Variants in MEGF8 observed in about 807,000 individuals in gnomAD.
MEGF8 encodes the protein multiple EGF like domains 8.
A neutral mutation model predicts 302.9 loss-of-function variants in MEGF8; 156 were observed. The observed-to-expected ratio is 0.52, with a 90% CI of 0.45 to 0.59. The LOEUF is 0.59. Among genes scored for constraint, MEGF8 ranks in the 20% least tolerant of loss-of-function variants. The pLI, the probability that MEGF8 is intolerant of heterozygous loss-of-function variation, is 0.00. For missense variants in MEGF8, 3,345 were observed against 3,964.5 expected (o/e 0.84, Z 4.20); for synonymous variants, 1,621 against 1,660.5 (o/e 0.98, Z 0.58).
rs767175047 is a variant in MEGF8 at position 42,368,416 on chromosome 19, C to T, written c.6274-39C>T. ...TTTGTTTAAGCTTATTTCCCCATCT[C>T]TCTCTTCCCTGCATCCCCATCCCCT... On this transcript the variant is annotated intron_variant, in intron 35 of 41. Coordinates refer to ENST00000251268, the MANE Select transcript of MEGF8 (RefSeq NM_001271938.2). This position sits in a 1 kb window ranked among gnomAD's most constrained non-coding sequence, Gnocchi z 4.9. 11 of 1,501,766 alleles carry T rather than the reference C, an allele frequency of 7.3e-6. No homozygotes were observed. The South Asian group carries it at 1.2e-4, about 17-fold the overall frequency. 93.0% of individuals were successfully genotyped at this position (1,501,766 alleles called of 1,614,324 possible). A position where few individuals can be genotyped will look rare whatever the true frequency, so the allele number is the denominator to read the frequency against.
Position 42,339,194 on chromosome 19 carries a change from A to G in MEGF8, c.1513+1988A>G, listed in dbSNP as rs554165585. Among the ~76,000 whole-genome samples, 90 of 152,268 alleles carry G rather than the reference A, an allele frequency of 5.9e-4. 1 individual carries two copies. Among genetic ancestry groups the G allele is most frequent in the Non-Finnish European group, 9.7e-4 (66 of 68,020 alleles). On this transcript the variant is annotated intron_variant, in intron 8 of 41. Transcript: ENST00000251268. ...TTTAGGTTGATTCCATGTCTTTGCTATTGTGAACAGTGCTGCTTTGAACAT... is the reference window on the plus strand; with the variant it reads ...TTTAGGTTGATTCCATGTCTTTGCTGTTGTGAACAGTGCTGCTTTGAACAT...
At chr19:42,373,233 C>T (rs903459811) in intron 41 of MEGF8, among the ~76,000 whole-genome samples, 1 of 151,636 alleles carries the variant, frequency 6.6e-6, no homozygotes, top group African/African-American at 2.4e-5. Context: ...GCTGGGACTA[C>T]AGGCACGTAC....
Position 42,353,097 on chromosome 19 carries a change from C to T in MEGF8, c.3520C>T (p.Arg1174Trp), listed in dbSNP as rs892173452. The change falls in exon 20 of 42, where the codon CGG becomes TGG. Residue 1174 changes from arginine to tryptophan, a missense_variant. Coordinates refer to ENST00000251268, the MANE Select transcript of MEGF8 (RefSeq NM_001271938.2). This position sits in a 1 kb window ranked among gnomAD's most constrained non-coding sequence, Gnocchi z 6.1. ...CAGCTTCCACAGCCACTGCCGCAAG[C>T]GGGGCCCTGGCTTCTGCGACGAGTG... The part of the protein sequence containing the change: ...GCSFHSHCRK[R>W]GPGFCDECQD... The T allele has an allele frequency of 1.4e-5, 21 of 1,548,638 alleles. No homozygotes were observed. In the African/African-American group the frequency reaches 1.6e-4, roughly 12 times the overall value.
chr19:42,377,055 C>A lies in MEGF8; in HGVS notation c.*280C>A, dbSNP rs1475477929. The stretch of plus-strand genomic sequence containing the variant: ...TTAGGTTCTGGTGAAGGGAGACAAT[C>A]AGTGCACATGCACACACCCCACACG... On this transcript the variant is annotated 3_prime_UTR_variant, in exon 42 of 42. Transcript: ENST00000251268. 4 of 414,334 alleles carry A rather than the reference C, an allele frequency of 9.7e-6. No individual in the cohort carries two copies. The Admixed American group carries it at 1.6e-4, about 17-fold the overall frequency. 25.7% of individuals were successfully genotyped at this position (414,334 alleles called of 1,614,324 possible). A position where few individuals can be genotyped will look rare whatever the true frequency, so the allele number is the denominator to read the frequency against.
At chr19:42,366,110 T>G (rs1301675757) in intron 35 of MEGF8, among the ~76,000 whole-genome samples, 1 of 152,138 alleles carries the variant, frequency 6.6e-6, no homozygotes, top group Non-Finnish European at 1.5e-5. Flanking sequence ...TTGGCTTAGA[T>G]TCCACCGCAC....
rs2039462768 is a variant in MEGF8, at chr19:42,357,025, C to T, written c.4830+44C>T. On this transcript the variant is annotated intron_variant, in intron 27 of 41. Coordinates refer to ENST00000251268, the MANE Select transcript of MEGF8 (RefSeq NM_001271938.2). The surrounding 1 kb of genome is among the most constrained non-coding windows in gnomAD (Gnocchi z 5.2). The stretch of plus-strand genomic sequence containing the variant: ...CCCACTCCCCAGCCCTCACACTGGG[C>T]CCTGACAGAGACAGCTGTGGTAGCT... 3 of 1,504,580 alleles carry T rather than the reference C, an allele frequency of 2.0e-6. No homozygotes were observed. The highest frequency in any genetic ancestry group is 2.4e-5 in the East Asian group (1 of 40,900). The allele number at this position is 1,504,580 out of a possible 1,614,324, so 93.2% of individuals were successfully genotyped here. A position where few individuals can be genotyped will look rare whatever the true frequency, so the allele number is the denominator to read the frequency against.
Position 42,336,950 on chromosome 19 carries a change from A to C in MEGF8, c.1388A>C (p.Tyr463Ser). 3 of 1,613,864 alleles carry C rather than the reference A, an allele frequency of 1.9e-6. No individual in the cohort carries two copies. The South Asian group carries it at 3.3e-5, about 18-fold the overall frequency. ...GTTCTGGGCAATTACATGGTGGTCTATGGTGAGGAGGCTCCCCAATCCTGC... is the reference window on the plus strand; with the variant it reads ...GTTCTGGGCAATTACATGGTGGTCTCTGGTGAGGAGGCTCCCCAATCCTGC... The part of the protein sequence containing the change: ...ASVLGNYMVV[Y>S]GGNVHTHYQE... Residue 463 changes from tyrosine (Y) to serine (S), a missense_variant and splice_region_variant, in exon 7 of 42, where the codon TAT (tyrosine) becomes TCT (serine). By Grantham distance (144) the Tyr-to-Ser change is moderately radical (BLOSUM62 -2). Transcript: ENST00000251268. The surrounding 1 kb of genome is among the most constrained non-coding windows in gnomAD (Gnocchi z 4.8).
At chr19:42,367,541 G>A (rs1481690460) in intron 35 of MEGF8, among the ~76,000 whole-genome samples, 14 of 152,130 alleles carry the variant, frequency 9.2e-5, no homozygotes. Flanking sequence ...GCCCGCCTCG[G>A]CCTCCCAAAG....
chr19:42,372,585 G>A lies in MEGF8; in HGVS notation c.7269+1103G>A, dbSNP rs75428280. Among the ~76,000 whole-genome samples the A allele has an allele frequency of 6.3e-3, 961 of 152,108 alleles. 6 individuals are homozygous for A. Among genetic ancestry groups the A allele is most frequent in the African/African-American group, 0.019 (805 of 41,508 alleles). On this transcript the variant is annotated intron_variant, in intron 41 of 41. Coordinates refer to ENST00000251268, the MANE Select transcript of MEGF8 (RefSeq NM_001271938.2). ...AAACATAATAGCTGCCACCCCAAAT[G>A]GCAACAGTTTTACAAGCCTTACTGA...
In MEGF8 at chr19:42,352,808, G is replaced by A. The variant is rs1233840515; in HGVS notation, c.3351-120G>A. The A allele has an allele frequency of 5.0e-6, 4 of 794,576 alleles. No individual in the cohort carries two copies. The East Asian group carries it at 1.1e-4, about 21-fold the overall frequency. 49.2% of individuals were successfully genotyped at this position (794,576 alleles called of 1,614,324 possible). On this transcript the variant is annotated intron_variant, in intron 19 of 41. Transcript: ENST00000251268. The surrounding 1 kb of genome is among the most constrained non-coding windows in gnomAD (Gnocchi z 4.4). ...CCTTGGAGACAGGGTCACCCACATA[G>A]CCCAAAACCATGGAAACAGCCAGTG...
intron 8 of MEGF8, among the ~76,000 whole-genome samples, chr19:42,342,033 G>A (rs1157075403): frequency 6.6e-6 from 1 of 152,190 alleles, no homozygotes; most frequent in Non-Finnish European, 1.5e-5. Flanking sequence ...GGGATGGGAA[G>A]GAGGAAAGGC....
chr19:42,331,803 C>A (rs1416346201), intron 1 of MEGF8, among the ~76,000 whole-genome samples: 1 of 151,632 alleles, frequency 6.6e-6, no homozygotes, highest in Non-Finnish European at 1.5e-5. Flanking sequence ...CTCTTGACCT[C>A]AAGCGATCCA....
In MEGF8 at chr19:42,358,971, G is replaced by A. The variant is rs2147490241; in HGVS notation, c.5343+17G>A. 1 of 1,604,544 alleles carries A rather than the reference G, an allele frequency of 6.2e-7. No individual in the cohort carries two copies. Among genetic ancestry groups the A allele is most frequent in the Non-Finnish European group, 8.5e-7 (1 of 1,175,706 alleles). On this transcript the variant is annotated intron_variant, in intron 30 of 41. Transcript: ENST00000251268. This position sits in a 1 kb window ranked among gnomAD's most constrained non-coding sequence, Gnocchi z 4.4. ...CTGAAGGAGGTGAGATTTGAAGAGG[G>A]TTAGGATTGGGTGGGCTGGTAGGGG...
chr19:42,338,385 G>A (rs1345600704), intron 8 of MEGF8, among the ~76,000 whole-genome samples: 3 of 152,038 alleles, frequency 2.0e-5, no homozygotes, highest in Non-Finnish European at 2.9e-5. Context: ...GAGTATAGGC[G>A]CATGCCACCA....
Position 42,355,790 on chromosome 19 carries a change from T to C in MEGF8, c.4177T>C (p.Ser1393Pro). The change falls in exon 24 of 42, where the codon TCC becomes CCC. Residue 1393 changes from serine to proline, a missense_variant. By Grantham distance (74) the Ser-to-Pro change is moderately conservative. Transcript: ENST00000251268. ...LLVLHWEANG[S>P]SSWGFNASVG... ...CGTGCTGCACTGGGAGGCCAATGGCTCCTCATCCTGGGGCTTCAATGCTTC... is the reference window on the plus strand; with the variant it reads ...CGTGCTGCACTGGGAGGCCAATGGCCCCTCATCCTGGGGCTTCAATGCTTC... The C allele has an allele frequency of 1.9e-6, 3 of 1,581,746 alleles. No homozygotes were observed. The highest frequency in any genetic ancestry group is 2.6e-6 in the Non-Finnish European group (3 of 1,163,222).
intron 14 of MEGF8, 150 bp downstream of exon 14, chr19:42,349,849 T>A: frequency 2.5e-6 from 2 of 811,740 alleles, no homozygotes; most frequent in South Asian, 1.7e-5. Flanking sequence ...GGACCTCCTC[T>A]TGAACCCTGT....
chr19:42,356,388 C>T lies in MEGF8; in HGVS notation c.4557C>T (p.Pro1519=), dbSNP rs941289827. The T allele has an allele frequency of 8.1e-6, 13 of 1,613,102 alleles. No homozygotes were observed. Among genetic ancestry groups the T allele is most frequent in the South Asian group, 1.1e-5 (1 of 90,912 alleles). The change falls in exon 26 of 42, where the codon CCC becomes CCT. Residue 1519 remains proline (P), a synonymous_variant. Coordinates refer to ENST00000251268, the MANE Select transcript of MEGF8 (RefSeq NM_001271938.2). This position sits in a 1 kb window ranked among gnomAD's most constrained non-coding sequence, Gnocchi z 5.2. ...HRLGHTMVDG[P]DATLWMFGGL... Reference sequence around the variant, plus strand: ...TGGGCCACACCATGGTGGATGGACCCGATGCCACCTTGTGGATGTTTGGGG... The same window carrying T: ...TGGGCCACACCATGGTGGATGGACCTGATGCCACCTTGTGGATGTTTGGGG...
In MEGF8 at chr19:42,350,314, C is replaced by A; in HGVS notation, c.2666C>A (p.Ser889Tyr). ...TGCGGGGATGACGGGGCTGGTGGGTCCCTGCTGGTGCTGGTGCCTACCCTC... is the reference window on the plus strand; with the variant it reads ...TGCGGGGATGACGGGGCTGGTGGGTACCTGCTGGTGCTGGTGCCTACCCTC... ...AHCGDDGAGG[S>Y]LLVLVPTLCP... Residue 889 changes from serine to tyrosine, a missense_variant, in exon 15 of 42, where the codon TCC becomes TAC. Coordinates refer to ENST00000251268, the MANE Select transcript of MEGF8 (RefSeq NM_001271938.2). 1 of 1,608,246 alleles carries A rather than the reference C, an allele frequency of 6.2e-7. No homozygotes were observed. Among genetic ancestry groups the A allele is most frequent in the Non-Finnish European group, 8.5e-7 (1 of 1,179,612 alleles).
At chr19:42,343,718 C>T in intron 9 of MEGF8, 87 bp downstream of exon 9, 2 of 1,453,326 alleles carry the variant, frequency 1.4e-6, no homozygotes, top group Non-Finnish European at 1.8e-6. Context: ...GGAGGGGATC[C>T]CTGGGAGAAG....
Sources: allele counts gnomAD v4.1 joint callset (sites outside exome capture counted in the v4.1 genomes callset), GRCh38; gene constraint gnomAD v4.1.1; non-coding constraint Gnocchi (gnomAD v3.1); transcripts MANE v1.5; gene names NCBI Gene and HGNC (gene_info 2026-07-23, HGNC 2026-07-21).